TMC1: variants seen among roughly 807,000 people sequenced by gnomAD.
TMC1 encodes the protein transmembrane channel-like protein 1.
In TMC1, 84 loss-of-function variants were observed where a neutral mutation model predicts 105.8. That is an observed-to-expected ratio of 0.79 (90% CI 0.67 to 0.95). The LOEUF (loss-of-function observed/expected upper bound fraction) is 0.95. Among genes scored for constraint, TMC1 ranks in the 40% least tolerant of loss-of-function variants. The pLI, the probability that TMC1 is intolerant of heterozygous loss-of-function variation, is 0.00. For missense variants in TMC1, 817 were observed against 914.1 expected (o/e 0.89, Z 1.37); for synonymous variants, 315 against 311.5 (o/e 1.01, Z -0.12).
chr9:72,683,739 A>ATATATATT (rs1392060792), intron 5 of TMC1, among the ~76,000 whole-genome samples: 1 of 67,230 alleles, frequency 1.5e-5, no homozygotes, highest in Non-Finnish European at 3.0e-5. Context: ...CATTTTATAT[A>ATATATATT]TATATATATA....
intron 2 of TMC1, among the ~76,000 whole-genome samples, chr9:72,590,432 G>A (rs560346725): frequency 1.3e-5 from 2 of 152,284 alleles, no homozygotes; most frequent in East Asian, 1.9e-4. Context: ...CTCTCTCCAA[G>A]CTTCATGGTT....
At chr9:72,802,230 CATACATACATACATACATACATAT>C (rs1828485547) in intron 17 of TMC1, among the ~76,000 whole-genome samples, 1 of 146,620 alleles carries the variant, frequency 6.8e-6, no homozygotes, top group African/African-American at 2.6e-5. Flanking sequence ...CCTGTCTCTA[CATACATACATACATACATACATAT>C]ATACATACAT....
At chr9:72,803,262 C>T (rs1472010293) in intron 17 of TMC1, among the ~76,000 whole-genome samples, 1 of 152,014 alleles carries the variant, frequency 6.6e-6, no homozygotes, top group Non-Finnish European at 1.5e-5. Flanking sequence ...TATATAAAAG[C>T]CAAAACTATA....
At chr9:72,697,759 A>G (rs1190724542) in intron 7 of TMC1, among the ~76,000 whole-genome samples, 2 of 152,120 alleles carry the variant, frequency 1.3e-5, no homozygotes, top group Non-Finnish European at 2.9e-5. Context: ...ATATGTAAAT[A>G]TCATGAATTA....
At chr9:72,740,279 G>A in intron 9 of TMC1, 70 bp downstream of exon 9, 1 of 1,362,140 alleles carries the variant, frequency 7.3e-7, no homozygotes, top group South Asian at 1.2e-5. Context: ...CTTTTCTAAA[G>A]GGGTGAAAAA....
intron 2 of TMC1, among the ~76,000 whole-genome samples, chr9:72,585,208 T>C (rs1333237469): frequency 6.8e-6 from 1 of 147,590 alleles, no homozygotes; most frequent in South Asian, 2.1e-4. Flanking sequence ...TGGAGTGCAG[T>C]GGCGCGATCT....
chr9:72,714,115 G>C (rs995965543), intron 8 of TMC1, among the ~76,000 whole-genome samples: 10 of 152,156 alleles, frequency 6.6e-5, no homozygotes, highest in African/African-American at 2.2e-4. Context: ...TAATTTGATT[G>C]CACTGTGGTC....
At chr9:72,735,684 A>G (rs1395508841) in intron 8 of TMC1, among the ~76,000 whole-genome samples, 1 of 152,196 alleles carries the variant, frequency 6.6e-6, no homozygotes, top group Non-Finnish European at 1.5e-5. Context: ...TGCAAAGGTC[A>G]GCCCTCAAAA....
rs1290684098 is a variant in TMC1 at position 72,820,866 on chromosome 9, C to A, written c.1788C>A (p.Ser596Arg). Reference sequence around the variant, plus strand: ...GGATGGGCTCCTTCTTTGCTCCCAGCCTCCCAGGCATCAATATCCTTCGAC... The same window carrying A: ...GGATGGGCTCCTTCTTTGCTCCCAGACTCCCAGGCATCAATATCCTTCGAC... Reference protein sequence around the residue: ...MIWMGSFFAPSLPGINILRLH... With the variant: ...MIWMGSFFAPRLPGINILRLH... The change falls in exon 20 of 24, where the codon AGC becomes AGA. Residue 596 changes from serine (S) to arginine (R), a missense_variant. Ser to Arg is a moderately radical substitution (Grantham distance 110). Transcript: ENST00000297784. 6.2e-7 allele frequency: 1 copy of A among 1,614,182 alleles called. No homozygotes were observed.
chr9:72,529,462 A>T (rs934595490), intron 1 of TMC1, among the ~76,000 whole-genome samples: 2 of 152,114 alleles, frequency 1.3e-5, no homozygotes, highest in African/African-American at 4.8e-5. Flanking sequence ...AAAAAGAAAA[A>T]TTCTGCTGTA....
chr9:72,644,459 A>AT (rs1172075346), intron 4 of TMC1, among the ~76,000 whole-genome samples: 6 of 151,472 alleles, frequency 4.0e-5, no homozygotes, highest in Admixed American at 2.0e-4. Context: ...CAGATTGAAG[A>AT]TTTTTTTTTA....
At chr9:72,723,011 C>T (rs913336942) in intron 8 of TMC1, among the ~76,000 whole-genome samples, 1 of 152,066 alleles carries the variant, frequency 6.6e-6, no homozygotes, top group Non-Finnish European at 1.5e-5. Flanking sequence ...CAACTGAAAG[C>T]AGAGGTTAAA....
At chr9:72,741,738 C>A (rs1484613044) in intron 9 of TMC1, 1 of 152,404 alleles carries the variant, frequency 6.6e-6, no homozygotes, top group East Asian at 1.9e-4. Context: ...CCACTTCATC[C>A]CAGCATTTGC....
chr9:72,813,376 G>A (rs919940495), intron 18 of TMC1, among the ~76,000 whole-genome samples: 7 of 152,236 alleles, frequency 4.6e-5, no homozygotes, highest in South Asian at 4.1e-4. Context: ...TAGTTTTAAA[G>A]TGAGAGCTTC....
At chr9:72,716,977 G>A (rs555692330) in intron 8 of TMC1, among the ~76,000 whole-genome samples, 1 of 152,290 alleles carries the variant, frequency 6.6e-6, no homozygotes, top group Admixed American at 6.5e-5. Context: ...CGGTGTATGT[G>A]GTACAGTCCA....
chr9:72,550,780 GTCCTATTCCCCA>G (rs1446825751), intron 1 of TMC1, among the ~76,000 whole-genome samples: 1 of 152,004 alleles, frequency 6.6e-6, no homozygotes, highest in South Asian at 2.1e-4. Context: ...AGATGTTCAG[GTCCTATTCCCCA>G]TCCTATTCCC....
intron 7 of TMC1, among the ~76,000 whole-genome samples, chr9:72,698,026 C>A (rs1406045830): frequency 1.3e-5 from 2 of 151,684 alleles, no homozygotes; most frequent in Non-Finnish European, 2.9e-5. Context: ...ACCCACATAT[C>A]ATTCTAATTG....
chr9:72,668,474 G>A (rs1002629268), intron 5 of TMC1, among the ~76,000 whole-genome samples: 1 of 152,170 alleles, frequency 6.6e-6, no homozygotes, highest in Non-Finnish European at 1.5e-5. Flanking sequence ...AGCTCTTTCT[G>A]CTTCTGTTTT....
At chr9:72,700,928 C>G (rs1025810649) in intron 8 of TMC1, among the ~76,000 whole-genome samples, 2 of 151,756 alleles carry the variant, frequency 1.3e-5, no homozygotes, top group African/African-American at 4.8e-5. Flanking sequence ...TTTCTTATCA[C>G]TAGAGAGACT....
Sources: gnomAD v4.1 joint callset for allele counts (sites outside exome capture counted in the v4.1 genomes callset) on GRCh38, gnomAD v4.1.1 for gene constraint, MANE v1.5 for transcripts, NCBI Gene and HGNC (gene_info 2026-07-23, HGNC 2026-07-21) for gene names.